TOR1AIP1: variants seen among roughly 807,000 people sequenced by gnomAD.
TOR1AIP1 encodes torsin-1A-interacting protein 1.
TOR1AIP1 carries 54 observed loss-of-function variants against 63.3 expected under a neutral mutation model. The observed-to-expected ratio is 0.85, with a 90% CI of 0.69 to 1.07. The LOEUF (loss-of-function observed/expected upper bound fraction) is 1.07, where lower values mean the gene tolerates loss of function less well. TOR1AIP1 is among the 50% of genes least tolerant of loss of function. The probability of loss-of-function intolerance (pLI) is 0.00; values close to 1 mark genes in which losing one functional copy is unlikely to be tolerated. For missense variants in TOR1AIP1, 736 were observed against 715.0 expected (o/e 1.03, Z -0.33); for synonymous variants, 294 against 273.5 (o/e 1.07, Z -0.74).
At chr1:179,905,383 GAAAAAAGA>G (rs1226969703) in intron 6 of TOR1AIP1, among the ~76,000 whole-genome samples, 2 of 150,700 alleles carry the variant, frequency 1.3e-5, no homozygotes, top group Admixed American at 6.6e-5. Flanking sequence ...CCTGTCTCAA[GAAAAAAGA>G]AAAAAAGAAA....
intron 3 of TOR1AIP1, among the ~76,000 whole-genome samples, chr1:179,889,750 G>A (rs1648009308): frequency 1.3e-5 from 2 of 151,706 alleles, no homozygotes; most frequent in African/African-American, 4.8e-5. Flanking sequence ...AATCTCTCTG[G>A]CTCAAGCAGT....
At chr1:179,883,122 C>T in intron 1 of TOR1AIP1, 145 bp downstream of exon 1, 1 of 781,708 alleles carries the variant, frequency 1.3e-6, no homozygotes, top group South Asian at 1.8e-5. Flanking sequence ...TGGACTTGTG[C>T]CGCCGTGCAA....
chr1:179,898,418 A>C (rs1648350305), intron 3 of TOR1AIP1, among the ~76,000 whole-genome samples: 1 of 152,240 alleles, frequency 6.6e-6, no homozygotes, highest in Admixed American at 6.5e-5. Context: ...TTAAGAAAGC[A>C]TCTTGTATTT....
intron 6 of TOR1AIP1, among the ~76,000 whole-genome samples, chr1:179,905,089 T>C (rs1204411394): frequency 6.6e-6 from 1 of 152,190 alleles, no homozygotes; most frequent in Non-Finnish European, 1.5e-5. Context: ...GAAAAAACTT[T>C]TGGAAGGCCA....
At position 179,901,317 on chromosome 1, in the gene TOR1AIP1, A is replaced by T; in HGVS notation, c.668A>T (p.Asp223Val). 6.2e-7 allele frequency: 1 copy of T among 1,610,824 alleles called. No individual in the cohort carries two copies. The highest frequency in any genetic ancestry group is 8.5e-7 in the Non-Finnish European group (1 of 1,178,080). Reference protein sequence around the residue: ...NFSEEGETEEDDQDSSHSSVT... With the variant: ...NFSEEGETEEVDQDSSHSSVT... ...TTCTCTTTAGGAGAAACTGAAGAAG[A>T]TGATCAAGACAGCTCTCACAGCAGT... Residue 223 changes from aspartate (D) to valine (V), a missense_variant, in exon 5 of 10, where the codon GAT (aspartate) becomes GTT (valine). Asp to Val is a radical substitution (Grantham distance 152). Coordinates refer to ENST00000606911, the MANE Select transcript of TOR1AIP1 (RefSeq NM_015602.4).
In TOR1AIP1 at chr1:179,918,296, A is replaced by G. The variant is rs974709447; in HGVS notation, c.*57A>G. 3 of 1,485,858 alleles carry G rather than the reference A, an allele frequency of 2.0e-6. No individual in the cohort carries two copies. In the Admixed American group the frequency reaches 6.9e-5, roughly 34 times the overall value. 92.0% of individuals were successfully genotyped at this position (1,485,858 alleles called of 1,614,324 possible). Reference sequence around the variant, plus strand: ...GTTCTGAGAATTGTTCACACTTTCTAACCAGAGACAGAATTCAGAGCTCTT... The same window carrying G: ...GTTCTGAGAATTGTTCACACTTTCTGACCAGAGACAGAATTCAGAGCTCTT... On this transcript the variant is annotated 3_prime_UTR_variant, in exon 10 of 10. Coordinates refer to ENST00000606911, the MANE Select transcript of TOR1AIP1 (RefSeq NM_015602.4).
chr1:179,909,329 A>G (rs1648754654), intron 8 of TOR1AIP1, among the ~76,000 whole-genome samples: 1 of 152,184 alleles, frequency 6.6e-6, no homozygotes, highest in Non-Finnish European at 1.5e-5. Context: ...AATTTTACAT[A>G]ATAAAGGCTG....
Position 179,882,642 on chromosome 1 carries a change from C to A in TOR1AIP1, c.140C>A (p.Thr47Asn). 1 of 1,570,858 alleles carries A rather than the reference C, an allele frequency of 6.4e-7. No individual in the cohort carries two copies. ...AGCAGCGATGCGCCTGCGTACAGAACTCCTCCGTCGCGCCAGGGCCGGCGG... is the reference window on the plus strand; with the variant it reads ...AGCAGCGATGCGCCTGCGTACAGAAATCCTCCGTCGCGCCAGGGCCGGCGG... The part of the protein sequence containing the change: ...GGSSDAPAYR[T>N]PPSRQGRREV... Residue 47 changes from threonine to asparagine, a missense_variant, in exon 1 of 10, where the codon ACT becomes AAT. Around this residue, in one of 2 missense-constraint regions of TOR1AIP1, gnomAD observed 464 missense variants for 371.0 expected, o/e 1.25. Coordinates refer to ENST00000606911, the MANE Select transcript of TOR1AIP1 (RefSeq NM_015602.4).
At chr1:179,888,867 A>G (rs756025328) in intron 2 of TOR1AIP1, among the ~76,000 whole-genome samples, 1 of 152,324 alleles carries the variant, frequency 6.6e-6, no homozygotes, top group South Asian at 2.1e-4. Flanking sequence ...GCATTTCTTC[A>G]ACACAAGGTT....
Position 179,907,827 on chromosome 1 carries a change from A to G in TOR1AIP1, c.801A>G (p.Gln267=). The G allele has an allele frequency of 1.9e-6, 3 of 1,591,314 alleles. No individual in the cohort carries two copies. Among genetic ancestry groups the G allele is most frequent in the South Asian group, 1.1e-5 (1 of 87,114 alleles). ...TATCCCTGTTTTCTGTTTCAGGTCA[A>G]AACTTCACAGCTCATGATAAGCAAC... ...IESFWQSSQS[Q]NFTAHDKQPS... Residue 267 remains glutamine (Q), a synonymous_variant, in exon 7 of 10, where the codon CAA becomes CAG. Coordinates refer to ENST00000606911, the MANE Select transcript of TOR1AIP1 (RefSeq NM_015602.4).
At chr1:179,894,546 A>G (rs1648206099) in intron 3 of TOR1AIP1, among the ~76,000 whole-genome samples, 1 of 151,278 alleles carries the variant, frequency 6.6e-6, no homozygotes, top group Non-Finnish European at 1.5e-5. Context: ...AAATTAGCCA[A>G]TTGTGGTGGC....
In TOR1AIP1 at chr1:179,887,216, G is replaced by A. The variant is rs180790897; in HGVS notation, c.554-2097G>A. Among the ~76,000 whole-genome samples the A allele has an allele frequency of 4.4e-3, 595 of 136,446 alleles. 4 individuals are homozygous for A. Among genetic ancestry groups the A allele is most frequent in the African/African-American group, 0.014 (553 of 40,402 alleles). 89.5% of individuals were successfully genotyped at this position (136,446 alleles called of 152,430 possible). ...AGTTCGAGACCAGCCTGGCCAATAT[G>A]GTGAAAACCCCATCTCTACTAAAAA... On this transcript the variant is annotated intron_variant, in intron 2 of 9. Coordinates refer to ENST00000606911, the MANE Select transcript of TOR1AIP1 (RefSeq NM_015602.4).
chr1:179,889,280 A>C, intron 2 of TOR1AIP1, 33 bp from the exon 3 acceptor site: 1 of 1,508,538 alleles, frequency 6.6e-7, no homozygotes, highest in Non-Finnish European at 9.1e-7. Flanking sequence ...CATTTTATAT[A>C]TTTTTAAATG....
intron 3 of TOR1AIP1, among the ~76,000 whole-genome samples, chr1:179,892,111 A>C (rs1648101357): frequency 6.6e-6 from 1 of 152,192 alleles, no homozygotes; most frequent in Non-Finnish European, 1.5e-5. Context: ...ATTTTTCTTT[A>C]TAAATCATTG....
intron 8 of TOR1AIP1, among the ~76,000 whole-genome samples, chr1:179,911,133 T>C (rs775835430): frequency 6.6e-6 from 1 of 152,204 alleles, no homozygotes; most frequent in Non-Finnish European, 1.5e-5. Flanking sequence ...GAAGTGTGCA[T>C]GTAATAGGAT....
chr1:179,901,791 A>C (rs1398279192), intron 5 of TOR1AIP1, among the ~76,000 whole-genome samples: 1 of 152,038 alleles, frequency 6.6e-6, no homozygotes, highest in Non-Finnish European at 1.5e-5. Context: ...CCAAATTATT[A>C]ATTAACAAGT....
In TOR1AIP1 at chr1:179,908,883, T is replaced by G. The variant is rs547202942; in HGVS notation, c.907+210T>G. On this transcript the variant is annotated intron_variant, in intron 8 of 9. Coordinates refer to ENST00000606911, the MANE Select transcript of TOR1AIP1 (RefSeq NM_015602.4). ...ATAGTGGCGTGAGAAAACCAGAGAT[T>G]GGCCAGGTGCGGTGGCTCACGCCTG... Among the ~76,000 whole-genome samples, 40 of 152,248 alleles carry G rather than the reference T, an allele frequency of 2.6e-4. 1 individual carries two copies. In the South Asian group the frequency reaches 8.1e-3, roughly 31 times the overall value.
chr1:179,882,905 T>G lies in TOR1AIP1; in HGVS notation c.403T>G (p.Ser135Ala), dbSNP rs773440511. ...RRTTRLQQQH[S>A]EQPPLQPSPV... ...GACTACCCGCCTTCAGCAGCAGCAC[T>G]CAGAGCAGCCTCCGCTACAGCCGTC... Residue 135 changes from serine (S) to alanine (A), a missense_variant, in exon 1 of 10, where the codon TCA becomes GCA. Physicochemically the swap from Ser to Ala is moderately conservative, Grantham distance 99. This residue lies in a region of TOR1AIP1 where 464 missense variants were observed against 371.0 expected (regional missense o/e 1.25). Transcript: ENST00000606911. The G allele has an allele frequency of 1.9e-6, 3 of 1,613,988 alleles. No homozygotes were observed. In the South Asian group the frequency reaches 3.3e-5, roughly 18 times the overall value.
chr1:179,888,138 A>G (rs545095566), intron 2 of TOR1AIP1, among the ~76,000 whole-genome samples: 28 of 152,364 alleles, frequency 1.8e-4, no homozygotes, highest in Non-Finnish European at 2.9e-4. Context: ...ATAGCTTAGT[A>G]AAAGCAGACA....
Sources: allele counts gnomAD v4.1 joint callset (sites outside exome capture counted in the v4.1 genomes callset), GRCh38; gene constraint gnomAD v4.1.1; regional missense constraint gnomAD v4.1.1; transcripts MANE v1.5; gene names NCBI Gene and HGNC (gene_info 2026-07-23, HGNC 2026-07-21).